KIDINS220: variants seen among roughly 807,000 people sequenced by gnomAD.
KIDINS220 encodes kinase D-interacting substrate of 220 kDa.
Under a neutral mutation model 157.6 loss-of-function variants are expected in KIDINS220, and 63 were observed. That is an observed-to-expected ratio of 0.40 (90% CI 0.33 to 0.49). KIDINS220 has a LOEUF of 0.49. Ranked by LOEUF, KIDINS220 falls within the 20% of genes least tolerant of loss-of-function variation. KIDINS220 has a pLI of 0.66. For missense variants in KIDINS220, 1,772 were observed against 2,171.2 expected, an observed-to-expected ratio of 0.82 and a Z score of 3.65; for synonymous variants, 732 against 783.6, an observed-to-expected ratio of 0.93 and a Z score of 1.10.
intron 9 of KIDINS220, among the ~76,000 whole-genome samples, chr2:8,799,665 G>T (rs1292639714): frequency 2.0e-5 from 3 of 152,122 alleles, no homozygotes; most frequent in Non-Finnish European, 4.4e-5. Flanking sequence ...AAGACAAGGG[G>T]CCCATGTTAA....
chr2:8,762,688 G>A (rs532264332), intron 22 of KIDINS220, among the ~76,000 whole-genome samples: 3 of 152,086 alleles, frequency 2.0e-5, no homozygotes, highest in East Asian at 1.9e-4. Flanking sequence ...GCAGTGAGCC[G>A]AGATCGCGCC....
intron 22 of KIDINS220, among the ~76,000 whole-genome samples, chr2:8,756,578 G>A (rs1445561993): frequency 6.6e-6 from 1 of 152,178 alleles, no homozygotes; most frequent in East Asian, 1.9e-4. Flanking sequence ...TGAAGTTCTG[G>A]AGGCTGGAAG....
At chr2:8,833,773 G>A (rs1214845650) in intron 1 of KIDINS220, among the ~76,000 whole-genome samples, 1 of 152,114 alleles carries the variant, frequency 6.6e-6, no homozygotes, top group African/African-American at 2.4e-5. Context: ...CACCCGTTTT[G>A]AAAATGGCAG....
chr2:8,746,942 G>C, intron 26 of KIDINS220: 1 of 507,386 alleles, frequency 2.0e-6, no homozygotes, highest in South Asian at 3.6e-5. Context: ...GGAAAAGCAG[G>C]AGGAAATAAT....
chr2:8,816,206 C>T (rs1456592149), intron 4 of KIDINS220, among the ~76,000 whole-genome samples: 1 of 152,162 alleles, frequency 6.6e-6, no homozygotes, highest in Non-Finnish European at 1.5e-5. Context: ...TCAGTTTTTA[C>T]AAATCTTAAT....
At chr2:8,736,419 C>T (rs928245820) in intron 27 of KIDINS220, among the ~76,000 whole-genome samples, 1 of 152,212 alleles carries the variant, frequency 6.6e-6, no homozygotes, top group South Asian at 2.1e-4. Flanking sequence ...CTAAGTCCTA[C>T]ATGACATGAA....
chr2:8,751,875 T>G (rs2148055991), intron 22 of KIDINS220, among the ~76,000 whole-genome samples: 1 of 152,146 alleles, frequency 6.6e-6, no homozygotes, highest in East Asian at 1.9e-4. Context: ...CAGCTAATTT[T>G]TGTATTATTA....
At chr2:8,799,369 CA>C (rs1173212031) in intron 9 of KIDINS220, among the ~76,000 whole-genome samples, 1 of 151,886 alleles carries the variant, frequency 6.6e-6, no homozygotes, top group Non-Finnish European at 1.5e-5. Context: ...CTCCTGGGCT[CA>C]AGGGATCTTC....
chr2:8,762,915 GCA>G (rs1470771976), intron 22 of KIDINS220, among the ~76,000 whole-genome samples: 1 of 152,056 alleles, frequency 6.6e-6, no homozygotes, highest in Non-Finnish European at 1.5e-5. Context: ...ACAAAACCTA[GCA>G]CAGTTACTAG....
intron 1 of KIDINS220, among the ~76,000 whole-genome samples, chr2:8,827,525 T>C (rs1180337641): frequency 6.6e-6 from 1 of 152,204 alleles, no homozygotes; most frequent in African/African-American, 2.4e-5. Context: ...TATTAGCAAA[T>C]GCTTTTGGCT....
chr2:8,731,066 C>A lies in KIDINS220; in HGVS notation c.4970G>T (p.Ser1657Ile). Residue 1657 changes from serine (S) to isoleucine (I), a missense_variant, in exon 30 of 30, where the codon AGC becomes ATC. Ser to Ile is a moderately radical substitution (Grantham distance 142). Transcript: ENST00000256707. This position sits in a 1 kb window ranked among gnomAD's most constrained non-coding sequence, Gnocchi z 5.2. ...TTCTTCAGGGCTGCTGGCTATCAAGCTGCATTCGGAAGGGCTTTTCTTGTC... is the reference window on the plus strand; with the variant it reads ...TTCTTCAGGGCTGCTGGCTATCAAGATGCATTCGGAAGGGCTTTTCTTGTC... ...SEDKKSPSEC[S>I]LIASSPEENW... 6.2e-7 allele frequency: 1 copy of A among 1,614,238 alleles called. No homozygotes were observed. The highest frequency in any genetic ancestry group is 8.5e-7 in the Non-Finnish European group (1 of 1,180,046).
At position 8,750,660 on chromosome 2, in the gene KIDINS220, C is replaced by T. The variant is rs779424571; in HGVS notation, c.3191-325G>A. On this transcript the variant is annotated intron_variant, in intron 23 of 29. Coordinates refer to ENST00000256707, the MANE Select transcript of KIDINS220 (RefSeq NM_020738.4). ...TTCTAACAATTACTTTTATTCATAACGTTATCAAGTATTAATAACTCATAT... is the reference window on the plus strand; with the variant it reads ...TTCTAACAATTACTTTTATTCATAATGTTATCAAGTATTAATAACTCATAT... Among the ~76,000 whole-genome samples, 23 of 152,290 alleles carry T rather than the reference C, an allele frequency of 1.5e-4. No individual in the cohort carries two copies. In the East Asian group the frequency reaches 2.7e-3, roughly 18 times the overall value.
At chr2:8,746,909 C>A in intron 26 of KIDINS220, 4 of 459,564 alleles carry the variant, frequency 8.7e-6, no homozygotes, top group Non-Finnish European at 1.2e-5. Context: ...AAAAAAAAAC[C>A]CCATCCCATG....
Position 8,751,585 on chromosome 2 carries a change from T to G in KIDINS220, c.3071A>C (p.Asp1024Ala). The G allele has an allele frequency of 1.2e-6, 2 of 1,611,594 alleles. No homozygotes were observed. The highest frequency in any genetic ancestry group is 1.7e-6 in the Non-Finnish European group (2 of 1,178,344). The change falls in exon 23 of 30, where the codon GAT (aspartate) becomes GCT (alanine). Residue 1024 changes from aspartate to alanine, a missense_variant. By Grantham distance (126) the Asp-to-Ala change is moderately radical (BLOSUM62 -2). This residue lies in a region of KIDINS220 where 725 missense variants were observed against 1,017.1 expected (regional missense o/e 0.71). Transcript: ENST00000256707. ...DVEPLLEIDG[D>A]IRNFEVFLSS... Reference sequence around the variant, plus strand: ...CAAAAACACTTCAAAATTTCTTATATCTCCATCAATTTCAAGAAGTGGCTC... The same window carrying G: ...CAAAAACACTTCAAAATTTCTTATAGCTCCATCAATTTCAAGAAGTGGCTC...
chr2:8,732,173 T>G (rs557061949), intron 29 of KIDINS220, among the ~76,000 whole-genome samples, 191 bp from the exon 30 acceptor site: 1 of 152,340 alleles, frequency 6.6e-6, no homozygotes, highest in South Asian at 2.1e-4. Context: ...TAGAAAGCTT[T>G]CTATAAATTT....
intron 11 of KIDINS220, among the ~76,000 whole-genome samples, chr2:8,796,414 C>T (rs964996428): frequency 1.3e-5 from 2 of 152,182 alleles, no homozygotes; most frequent in African/African-American, 4.8e-5. Context: ...AACATTAACA[C>T]CGTCTGCTCT....
chr2:8,832,151 C>T (rs1397238335), intron 1 of KIDINS220, among the ~76,000 whole-genome samples: 1 of 152,206 alleles, frequency 6.6e-6, no homozygotes, highest in African/African-American at 2.4e-5. Flanking sequence ...CTCGAATCTT[C>T]TAAGTCCTTT....
intron 2 of KIDINS220, among the ~76,000 whole-genome samples, chr2:8,820,103 G>C (rs1459660456): frequency 6.6e-6 from 1 of 152,076 alleles, no homozygotes. Context: ...CCTTACCCAA[G>C]CTGACACAAA....
At chr2:8,773,017 A>G (rs1670441366) in intron 21 of KIDINS220, among the ~76,000 whole-genome samples, 1 of 152,234 alleles carries the variant, frequency 6.6e-6, no homozygotes, top group Non-Finnish European at 1.5e-5. Context: ...TGAAATGGAA[A>G]ACATCACAAA....
Sources: gnomAD v4.1 joint callset for allele counts (sites outside exome capture counted in the v4.1 genomes callset) on GRCh38, gnomAD v4.1.1 for gene constraint, gnomAD v4.1.1 regional missense constraint, Gnocchi (gnomAD v3.1) non-coding constraint, MANE v1.5 for transcripts, NCBI Gene and HGNC (gene_info 2026-07-23, HGNC 2026-07-21) for gene names.